RSPO1: variants seen among roughly 807,000 people sequenced by gnomAD.
RSPO1 encodes R-spondin-1.
RSPO1 carries 18 observed loss-of-function variants against 26.0 expected under a neutral mutation model. The observed-to-expected ratio is 0.69, with a 90% CI of 0.48 to 1.03. The LOEUF (loss-of-function observed/expected upper bound fraction) is 1.03, where lower values mean the gene tolerates loss of function less well. Among genes scored for constraint, RSPO1 ranks in the 50% least tolerant of loss-of-function variants. The pLI is 0.00. For synonymous variants in RSPO1, 133 were observed against 137.4 expected (o/e 0.97, Z 0.22); for missense variants, 309 against 352.3 (o/e 0.88, Z 0.98).
Position 37,612,234 on chromosome 1 carries a change from A to G in RSPO1, c.*521T>C, listed in dbSNP as rs1644034805. On this transcript the variant is annotated 3_prime_UTR_variant, in exon 7 of 7. Coordinates refer to ENST00000356545, the MANE Select transcript of RSPO1 (RefSeq NM_001242908.2). ...TGATATGTATCCTGGAAGGGTAACA[A>G]TACTCTCCAACGATAAAGTCACACA... 5.8e-6 allele frequency: 1 copy of G among 171,088 alleles called. No homozygotes were observed. The allele number at this position is 171,088 out of a possible 1,614,324, so 10.6% of individuals were successfully genotyped here.
intron 3 of RSPO1, among the ~76,000 whole-genome samples, chr1:37,622,652 G>A (rs1385999223): frequency 1.3e-5 from 2 of 152,254 alleles, no homozygotes; most frequent in Admixed American, 1.3e-4. Context: ...TAGCTGGGAG[G>A]AGACTGAGAG....
chr1:37,613,088 C>A lies in RSPO1; in HGVS notation c.626-167G>T, dbSNP rs1343025709. On this transcript the variant is annotated intron_variant, in intron 6 of 6. Transcript: ENST00000356545. The surrounding 1 kb of genome is among the most constrained non-coding windows in gnomAD (Gnocchi z 4.5). ...GGGTCATCGTGACCTCCTCTGACAGCAGCCACTTCAGAGGACCCCGAGGCT... is the reference window on the plus strand; with the variant it reads ...GGGTCATCGTGACCTCCTCTGACAGAAGCCACTTCAGAGGACCCCGAGGCT... Among the ~76,000 whole-genome samples the A allele has an allele frequency of 6.6e-6, 1 of 152,230 alleles. No individual in the cohort carries two copies. The highest frequency in any genetic ancestry group is 1.5e-5 in the Non-Finnish European group (1 of 68,022).
At chr1:37,629,504 A>T in intron 3 of RSPO1, 64 bp downstream of exon 3, 1 of 1,345,658 alleles carries the variant, frequency 7.4e-7, no homozygotes, top group Non-Finnish European at 1.1e-6. Context: ...GAAGACCCCT[A>T]GTTCCTGGGT....
rs1480356183 is a variant in RSPO1, at chr1:37,634,106, C to G, written c.-356+460G>C. On this transcript the variant is annotated intron_variant, in intron 1 of 6. Coordinates refer to ENST00000356545, the MANE Select transcript of RSPO1 (RefSeq NM_001242908.2). This position sits in a 1 kb window ranked among gnomAD's most constrained non-coding sequence, Gnocchi z 4.7. ...GGAGCCGCGCCACTTCGCTGCGCACCGGGGGCCGCAGCGCATGCCGCCTGC... is the reference window on the plus strand; with the variant it reads ...GGAGCCGCGCCACTTCGCTGCGCACGGGGGGCCGCAGCGCATGCCGCCTGC... Among the ~76,000 whole-genome samples the G allele has an allele frequency of 6.6e-6, 1 of 152,252 alleles. No homozygotes were observed. The highest frequency in any genetic ancestry group is 1.9e-4 in the East Asian group (1 of 5,152).
intron 3 of RSPO1, among the ~76,000 whole-genome samples, chr1:37,625,467 TGG>T (rs914066328): frequency 6.6e-6 from 1 of 151,844 alleles, no homozygotes; most frequent in Admixed American, 6.6e-5. Context: ...AATCTAGTCT[TGG>T]AGGAAATGGG....
chr1:37,629,815 A>G lies in RSPO1; in HGVS notation c.-154T>C, dbSNP rs770489112. The G allele has an allele frequency of 2.0e-4, 303 of 1,550,862 alleles. No homozygotes were observed. The highest frequency in any genetic ancestry group is 2.5e-4 in the Non-Finnish European group (281 of 1,146,668). On this transcript the variant is annotated 5_prime_UTR_variant, in exon 3 of 7. Transcript: ENST00000356545. Reference sequence around the variant, plus strand: ...ATCCACCATAATCTCAGCTGGGGACAGAGAGGGTGTGGGGAGCCCAGTTCT... The same window carrying G: ...ATCCACCATAATCTCAGCTGGGGACGGAGAGGGTGTGGGGAGCCCAGTTCT...
At chr1:37,627,934 G>A (rs1351573229) in intron 3 of RSPO1, among the ~76,000 whole-genome samples, 3 of 152,160 alleles carry the variant, frequency 2.0e-5, no homozygotes, top group African/African-American at 7.2e-5. Context: ...GTGCTGCCAC[G>A]GCTGTTAGAT....
chr1:37,617,141 C>G (rs1479227234), intron 3 of RSPO1, among the ~76,000 whole-genome samples: 1 of 152,166 alleles, frequency 6.6e-6, no homozygotes, highest in Admixed American at 6.5e-5. Flanking sequence ...ATAATCTATG[C>G]CTAGAACAGG....
chr1:37,628,669 T>G (rs1644313469), intron 3 of RSPO1, among the ~76,000 whole-genome samples: 1 of 152,176 alleles, frequency 6.6e-6, no homozygotes, highest in African/African-American at 2.4e-5. Flanking sequence ...GCCCCATCAC[T>G]GGAGACCTTA....
intron 3 of RSPO1, among the ~76,000 whole-genome samples, chr1:37,617,192 G>A (rs1027235429): frequency 6.6e-6 from 1 of 152,186 alleles, no homozygotes; most frequent in Non-Finnish European, 1.5e-5. Context: ...GGGGACATTT[G>A]ACAATGCCTA....
rs1248184367 is a variant in RSPO1, at chr1:37,629,567, C to G, written c.94+1G>C. On this transcript the variant is annotated splice_donor_variant, in intron 3 of 6. Transcript: ENST00000356545. LOFTEE classifies it high-confidence loss of function. ...GTGGCCCACCATGCTCCATTACTCACTCCGCCTCTGCCTTTTCCCCTTGAT... is the reference window on the plus strand; with the variant it reads ...GTGGCCCACCATGCTCCATTACTCAGTCCGCCTCTGCCTTTTCCCCTTGAT... 6.2e-7 allele frequency: 1 copy of G among 1,614,122 alleles called. No homozygotes were observed. The highest frequency in any genetic ancestry group is 2.2e-5 in the East Asian group (1 of 44,860).
chr1:37,632,802 G>C (rs1644378839), intron 1 of RSPO1, among the ~76,000 whole-genome samples: 1 of 152,178 alleles, frequency 6.6e-6, no homozygotes, highest in Non-Finnish European at 1.5e-5. Flanking sequence ...GCACACACAG[G>C]CATGCACTCT....
At chr1:37,626,054 G>A (rs1018673708) in intron 3 of RSPO1, among the ~76,000 whole-genome samples, 30 of 151,960 alleles carry the variant, frequency 2.0e-4, no homozygotes, top group African/African-American at 6.3e-4. Context: ...TTTGCTTCCC[G>A]CCTCAAGCCA....
chr1:37,634,024 A>ACCTCTCCCC lies in RSPO1; in HGVS notation c.-356+533_-356+541dup, dbSNP rs375549140. 3.3e-5 allele frequency among the ~76,000 whole-genome samples: 5 copies of ACCTCTCCCC among 151,814 alleles called. No homozygotes were observed. The highest frequency in any genetic ancestry group is 1.2e-4 in the African/African-American group (5 of 41,310). On this transcript the variant is annotated intron_variant, in intron 1 of 6. Coordinates refer to ENST00000356545, the MANE Select transcript of RSPO1 (RefSeq NM_001242908.2). This position sits in a 1 kb window ranked among gnomAD's most constrained non-coding sequence, Gnocchi z 4.7. ...GGAGTCCCGGGCGAACATAGCCCCC[A>ACCTCTCCCC]CCTCTCCCCAACTAAGCGATACCAT...
intron 4 of RSPO1, 46 bp downstream of exon 4, chr1:37,616,438 A>G: frequency 1.3e-6 from 2 of 1,589,198 alleles, no homozygotes; most frequent in East Asian, 4.5e-5. Context: ...CCCCCAGTCC[A>G]GAGCTTCTAA....
chr1:37,622,087 A>T (rs528699819), intron 3 of RSPO1, among the ~76,000 whole-genome samples: 1 of 152,166 alleles, frequency 6.6e-6, no homozygotes, highest in South Asian at 2.1e-4. Context: ...AAGGACGGAA[A>T]AGTCTTTAGT....
At position 37,613,948 on chromosome 1, in the gene RSPO1, C is replaced by T; in HGVS notation, c.437-56G>A. Reference sequence around the variant, plus strand: ...GACAAGGAGGAGGGGATCATGTCTCCTCCTCTGGCCCAGAATAGCCCAGGG... The same window carrying T: ...GACAAGGAGGAGGGGATCATGTCTCTTCCTCTGGCCCAGAATAGCCCAGGG... On this transcript the variant is annotated intron_variant, in intron 5 of 6. Coordinates refer to ENST00000356545, the MANE Select transcript of RSPO1 (RefSeq NM_001242908.2). The surrounding 1 kb of genome is among the most constrained non-coding windows in gnomAD (Gnocchi z 4.5). The T allele has an allele frequency of 6.3e-7, 1 of 1,579,216 alleles. No individual in the cohort carries two copies. Among genetic ancestry groups the T allele is most frequent in the Non-Finnish European group, 8.7e-7 (1 of 1,148,894 alleles).
intron 4 of RSPO1, among the ~76,000 whole-genome samples, 162 bp from the exon 5 acceptor site, chr1:37,614,495 G>C (rs1289139010): frequency 6.6e-6 from 1 of 152,348 alleles, no homozygotes; most frequent in Non-Finnish European, 1.5e-5. Context: ...GGAGGAAAGG[G>C]AAAGGAAGGG....
At chr1:37,616,770 C>G (rs1644120096) in intron 3 of RSPO1, 95 bp from the exon 4 acceptor site, 5 of 1,180,690 alleles carry the variant, frequency 4.2e-6, no homozygotes, top group African/African-American at 1.5e-5. Flanking sequence ...ATCGATGTTT[C>G]CTTCCACAGA....
Sources: gnomAD v4.1 joint callset for allele counts (sites outside exome capture counted in the v4.1 genomes callset) on GRCh38, gnomAD v4.1.1 for gene constraint, Gnocchi (gnomAD v3.1) non-coding constraint, MANE v1.5 for transcripts, NCBI Gene and HGNC (gene_info 2026-07-23, HGNC 2026-07-21) for gene names.